The following GPR158 variants were observed in gnomAD, a reference collection of about 807,000 sequenced individuals.
GPR158 encodes metabotropic glycine receptor.
GPR158 carries 30 observed loss-of-function variants against 78.2 expected under a neutral mutation model. The observed-to-expected ratio is 0.38, with a 90% confidence interval of 0.29 to 0.52. The LOEUF is 0.52. Among genes scored for constraint, GPR158 ranks in the 20% least tolerant of loss-of-function variants. The pLI, the probability that GPR158 is intolerant of heterozygous loss-of-function variation, is 0.83. For missense variants in GPR158, 1,463 were observed against 1,523.5 expected, an observed-to-expected ratio of 0.96 and a Z score of 0.66; for synonymous variants, 581 against 591.1, an observed-to-expected ratio of 0.98 and a Z score of 0.25.
At chr10:25,501,651 T>C (rs1835947138) in intron 5 of GPR158, among the ~76,000 whole-genome samples, 1 of 152,166 alleles carries the variant, frequency 6.6e-6, no homozygotes, top group Non-Finnish European at 1.5e-5. Context: ...AATGCGGCTC[T>C]GGCCAGTGTG....
At chr10:25,429,384 C>A (rs890899944) in intron 4 of GPR158, among the ~76,000 whole-genome samples, 33 of 152,082 alleles carry the variant, frequency 2.2e-4, no homozygotes, top group Non-Finnish European at 1.5e-5. Context: ...CACATACCTC[C>A]ATGTATTTTG....
At chr10:25,243,461 A>G (rs973777670) in intron 2 of GPR158, among the ~76,000 whole-genome samples, 1 of 152,192 alleles carries the variant, frequency 6.6e-6, no homozygotes, top group Non-Finnish European at 1.5e-5. Flanking sequence ...CCACAATGCT[A>G]TCCTTCATAT....
intron 5 of GPR158, among the ~76,000 whole-genome samples, chr10:25,482,033 C>G (rs1835669273): frequency 6.6e-6 from 1 of 152,038 alleles, no homozygotes; most frequent in Non-Finnish European, 1.5e-5. Flanking sequence ...CCTGCTTGAC[C>G]ATACCTTAGC....
chr10:25,462,962 G>A (rs1214812904), intron 4 of GPR158, among the ~76,000 whole-genome samples: 1 of 152,172 alleles, frequency 6.6e-6, no homozygotes, highest in African/African-American at 2.4e-5. Flanking sequence ...AACTTCAACT[G>A]TAGGTAACAT....
At chr10:25,365,436 C>G (rs971086869) in intron 2 of GPR158, among the ~76,000 whole-genome samples, 1 of 151,600 alleles carries the variant, frequency 6.6e-6, no homozygotes, top group Non-Finnish European at 1.5e-5. Flanking sequence ...AAAAACCCTG[C>G]AAAATTTCAC....
intron 5 of GPR158, among the ~76,000 whole-genome samples, chr10:25,526,488 G>A (rs3923088): frequency 0.57 from 85,918 of 151,952 alleles, 24,794 homozygotes; most frequent in African/African-American, 0.7. Flanking sequence ...CACAGGAGGC[G>A]GATGTACTCA....
At position 25,404,984 on chromosome 10, in the gene GPR158, T is replaced by G. The variant is rs16925709; in HGVS notation, c.1112-7266T>G. On this transcript the variant is annotated intron_variant, in intron 3 of 10. Coordinates refer to ENST00000376351, the MANE Select transcript of GPR158 (RefSeq NM_020752.3). ...CAGCATACTGTCTGCAATTCATATGTTCCAAAATTCTACCCCCGATTCTCT... is the reference window on the plus strand; with the variant it reads ...CAGCATACTGTCTGCAATTCATATGGTCCAAAATTCTACCCCCGATTCTCT... 8.9e-3 allele frequency among the ~76,000 whole-genome samples: 1,354 copies of G among 152,228 alleles called. 24 individuals are homozygous for G. Among genetic ancestry groups the G allele is most frequent in the African/African-American group, 0.031 (1,277 of 41,546 alleles).
intron 2 of GPR158, among the ~76,000 whole-genome samples, chr10:25,258,967 TAA>T (rs1489217927): frequency 6.6e-6 from 1 of 152,166 alleles, no homozygotes; most frequent in African/African-American, 2.4e-5. Context: ...AGGCAAATCA[TAA>T]GAGAGAAAAT....
intron 7 of GPR158, among the ~76,000 whole-genome samples, chr10:25,577,746 C>G (rs1386199083): frequency 6.6e-6 from 1 of 152,140 alleles, no homozygotes; most frequent in African/African-American, 2.4e-5. Context: ...GCCACAGTTT[C>G]TTCTTTGAAG....
chr10:25,337,401 G>A (rs932069761), intron 2 of GPR158, among the ~76,000 whole-genome samples: 3 of 152,092 alleles, frequency 2.0e-5, no homozygotes, highest in Non-Finnish European at 4.4e-5. Flanking sequence ...TTTAGATCAT[G>A]TAACATGCAC....
At chr10:25,433,551 G>GTGTGTGT (rs376181366) in intron 4 of GPR158, among the ~76,000 whole-genome samples, 330 of 136,532 alleles carry the variant, frequency 2.4e-3, no homozygotes, top group South Asian at 0.021. Flanking sequence ...TGTGTGTTGT[G>GTGTGTGT]TGTGTGTGTG....
chr10:25,571,406 G>GT (rs1351809256), intron 6 of GPR158, among the ~76,000 whole-genome samples: 1 of 152,158 alleles, frequency 6.6e-6, no homozygotes, highest in Non-Finnish European at 1.5e-5. Flanking sequence ...ATATAGCATA[G>GT]TACATCTAGG....
Position 25,447,833 on chromosome 10 carries a change from G to A in GPR158, c.1336-18818G>A, listed in dbSNP as rs371263727. Among the ~76,000 whole-genome samples, 17 of 144,786 alleles carry A rather than the reference G, an allele frequency of 1.2e-4. No homozygotes were observed. In the South Asian group the frequency reaches 3.3e-3, roughly 28 times the overall value. 95.0% of individuals were successfully genotyped at this position (144,786 alleles called of 152,430 possible). ...TAATTTACACAGAGTGAAATGCTTT[G>A]AAGTGTACAATGCAGTCAGTTTAAT... On this transcript the variant is annotated intron_variant, in intron 4 of 10. Transcript: ENST00000376351.
intron 1 of GPR158, among the ~76,000 whole-genome samples, chr10:25,194,898 A>G (rs576145274): frequency 1.3e-5 from 2 of 152,038 alleles, no homozygotes; most frequent in African/African-American, 4.8e-5. Context: ...CTATTCTAAT[A>G]TTTTTGGATA....
chr10:25,250,199 C>G (rs1853773489), intron 2 of GPR158, among the ~76,000 whole-genome samples: 1 of 121,174 alleles, frequency 8.3e-6, no homozygotes, highest in South Asian at 3.0e-4. Context: ...TGATTCTTCT[C>G]TCTTTTTTTC....
At position 25,597,961 on chromosome 10, in the gene GPR158, C is replaced by T; in HGVS notation, c.2335C>T (p.His779Tyr). 6.2e-7 allele frequency: 1 copy of T among 1,614,012 alleles called. No homozygotes were observed. The highest frequency in any genetic ancestry group is 8.5e-7 in the Non-Finnish European group (1 of 1,179,944). Reference sequence around the variant, plus strand: ...TAAAGAGGACAAGGAGGGCGCCGACCATGGCACAGCCAAAGGCACTGCCCT... The same window carrying T: ...TAAAGAGGACAAGGAGGGCGCCGACTATGGCACAGCCAAAGGCACTGCCCT... ...CSKEDKEGAD[H>Y]GTAKGTALIR... Residue 779 changes from histidine to tyrosine, a missense_variant, in exon 11 of 11, where the codon CAT becomes TAT. Transcript: ENST00000376351.
At chr10:25,593,989 T>C (rs1837371474) in intron 8 of GPR158, among the ~76,000 whole-genome samples, 1 of 152,070 alleles carries the variant, frequency 6.6e-6, no homozygotes, top group Non-Finnish European at 1.5e-5. Context: ...CTCTTGAATT[T>C]ACATATATTT....
intron 5 of GPR158, among the ~76,000 whole-genome samples, chr10:25,541,415 C>T (rs560747257): frequency 6.6e-6 from 1 of 151,654 alleles, no homozygotes; most frequent in African/African-American, 2.4e-5. Context: ...AATCAAATTT[C>T]TTGATCTTTT....
chr10:25,351,100 G>A (rs1473952532), intron 2 of GPR158, among the ~76,000 whole-genome samples: 1 of 151,914 alleles, frequency 6.6e-6, no homozygotes, highest in African/African-American at 2.4e-5. Context: ...GAGCCTGAAC[G>A]CGTGGCTATT....
Sources: allele counts gnomAD v4.1 joint callset (sites outside exome capture counted in the v4.1 genomes callset), GRCh38; gene constraint gnomAD v4.1.1; transcripts MANE v1.5; gene names NCBI Gene and HGNC (gene_info 2026-07-23, HGNC 2026-07-21).